CEBPA: variants seen among roughly 807,000 people sequenced by gnomAD.
CEBPA encodes the protein CCAAT/enhancer-binding protein alpha.
In CEBPA, 2 loss-of-function variants were observed where a neutral mutation model predicts 5.1. That is an observed-to-expected ratio of 0.39 (90% CI 0.16 to 1.23). CEBPA has a LOEUF of 1.23. Ranked by LOEUF, CEBPA falls within the 50% of genes most tolerant of loss-of-function variation. The probability of loss-of-function intolerance (pLI) is 0.34; values close to 1 mark genes in which losing one functional copy is unlikely to be tolerated. For synonymous variants in CEBPA, 275 were observed against 264.1 expected, an observed-to-expected ratio of 1.04 and a Z score of -0.40; for missense variants, 455 against 537.4, an observed-to-expected ratio of 0.85 and a Z score of 1.52.
At position 33,300,668 on chromosome 19, in the gene CEBPA, C is replaced by T. The variant is rs1233511288; in HGVS notation, c.*670G>A. 1 of 233,644 alleles carries T rather than the reference C, an allele frequency of 4.3e-6. No individual in the cohort carries two copies. The highest frequency in any genetic ancestry group is 6.0e-5 in the East Asian group (1 of 16,702). 14.5% of individuals were successfully genotyped at this position (233,644 alleles called of 1,614,324 possible). On this transcript the variant is annotated 3_prime_UTR_variant, in exon 1 of 1. Coordinates refer to ENST00000498907, the MANE Select transcript of CEBPA (RefSeq NM_004364.5). ...CCACTGGTCACCTGGTGACCCCCATCGCAGTGAGTTCCGCCCCAAGGGGAA... is the reference window on the plus strand; with the variant it reads ...CCACTGGTCACCTGGTGACCCCCATTGCAGTGAGTTCCGCCCCAAGGGGAA...
rs1383461383 is a variant in CEBPA at position 33,300,055 on chromosome 19, T to G, written c.*1283A>C. On this transcript the variant is annotated 3_prime_UTR_variant, in exon 1 of 1. Transcript: ENST00000498907. ...CCTGCTCCCAGCCCCAGTGATGCGT[T>G]GGCGGGAGGCCACCTCCCTTCCCGA... 1.3e-5 allele frequency: 3 copies of G among 233,304 alleles called. No individual in the cohort carries two copies. The highest frequency in any genetic ancestry group is 2.5e-5 in the Non-Finnish European group (3 of 118,062). 14.5% of individuals were successfully genotyped at this position (233,304 alleles called of 1,614,324 possible). A position where few individuals can be genotyped will look rare whatever the true frequency, so the allele number is the denominator to read the frequency against.
Position 33,301,194 on chromosome 19 carries a change from G to A in CEBPA, c.*144C>T, listed in dbSNP as rs1967148428. The A allele has an allele frequency of 7.4e-7, 1 of 1,344,470 alleles. No homozygotes were observed. Among genetic ancestry groups the A allele is most frequent in the Non-Finnish European group, 9.8e-7 (1 of 1,015,852 alleles). 83.3% of individuals were successfully genotyped at this position (1,344,470 alleles called of 1,614,324 possible). Reference sequence around the variant, plus strand: ...GCGCAGAGGAAGGGAGGGGACACGCGGAGCAGGCCAGGCTTTCAGGAGGCA... The same window carrying A: ...GCGCAGAGGAAGGGAGGGGACACGCAGAGCAGGCCAGGCTTTCAGGAGGCA... On this transcript the variant is annotated 3_prime_UTR_variant, in exon 1 of 1. Transcript: ENST00000498907. The surrounding 1 kb of genome is among the most constrained non-coding windows in gnomAD (Gnocchi z 6.0).
rs1339122781 is a variant in CEBPA, at chr19:33,300,714, G to C, written c.*624C>G. The stretch of plus-strand genomic sequence containing the variant: ...GGGAAGCCCAGCCTATAGCAGGCTG[G>C]GGTGGGGTGTGTGCGGAGGGAGGTG... On this transcript the variant is annotated 3_prime_UTR_variant, in exon 1 of 1. Transcript: ENST00000498907. 4.3e-6 allele frequency: 1 copy of C among 233,936 alleles called. No individual in the cohort carries two copies. Among genetic ancestry groups the C allele is most frequent in the East Asian group, 6.0e-5 (1 of 16,730 alleles). The allele number at this position is 233,936 out of a possible 1,614,324, so 14.5% of individuals were successfully genotyped here.
Position 33,300,541 on chromosome 19 carries a change from G to T in CEBPA, c.*797C>A, listed in dbSNP as rs1158604657. The T allele has an allele frequency of 3.9e-5, 9 of 233,646 alleles. No homozygotes were observed. The highest frequency in any genetic ancestry group is 5.9e-5 in the Non-Finnish European group (7 of 118,104). The allele number at this position is 233,646 out of a possible 1,614,324, so 14.5% of individuals were successfully genotyped here. A position where few individuals can be genotyped will look rare whatever the true frequency, so the allele number is the denominator to read the frequency against. ...CAGTGGCCCTTCACCCCCCATGCCC[G>T]CCCCACAGCCAGATCTCTAGGTCTC... is the stretch of plus-strand genomic sequence containing the variant. On this transcript the variant is annotated 3_prime_UTR_variant, in exon 1 of 1. Coordinates refer to ENST00000498907, the MANE Select transcript of CEBPA (RefSeq NM_004364.5).
In CEBPA at chr19:33,300,036, C is replaced by T. The variant is rs1399075819; in HGVS notation, c.*1302G>A. On this transcript the variant is annotated 3_prime_UTR_variant, in exon 1 of 1. Transcript: ENST00000498907. Reference sequence around the variant, plus strand: ...GAGAACCAAGCCGTCCTTCCCTGCTCCCAGCCCCAGTGATGCGTTGGCGGG... The same window carrying T: ...GAGAACCAAGCCGTCCTTCCCTGCTTCCAGCCCCAGTGATGCGTTGGCGGG... 3.9e-5 allele frequency: 9 copies of T among 233,326 alleles called. No homozygotes were observed. The highest frequency in any genetic ancestry group is 5.9e-5 in the Non-Finnish European group (7 of 118,074). 14.5% of individuals were successfully genotyped at this position (233,326 alleles called of 1,614,324 possible).
In CEBPA at chr19:33,301,864, G is replaced by C. The variant is rs1457318927; in HGVS notation, c.551C>G (p.Pro184Arg). ...ALAGLFPYQPPPPPPPSHPHP... is the reference protein window; with the variant it reads ...ALAGLFPYQPRPPPPPSHPHP... ...CGGGTGCGAGGGCGGCGGCGGCGGC[G>C]GCGGCTGGTAAGGGAAGAGGCCGGC... Residue 184 changes from proline (P) to arginine (R), a missense_variant, in exon 1 of 1, where the codon CCG becomes CGG. By Grantham distance (103) the Pro-to-Arg change is moderately radical. This residue lies in a region of CEBPA where 141 missense variants were observed against 124.1 expected (regional missense o/e 1.14). Transcript: ENST00000498907. This position sits in a 1 kb window ranked among gnomAD's most constrained non-coding sequence, Gnocchi z 6.0. 43 of 1,323,908 alleles carry C rather than the reference G, an allele frequency of 3.2e-5. No homozygotes were observed. Among genetic ancestry groups the C allele is most frequent in the Non-Finnish European group, 4.0e-5 (41 of 1,032,770 alleles). 82.0% of individuals were successfully genotyped at this position (1,323,908 alleles called of 1,614,324 possible).
chr19:33,301,798 A>G lies in CEBPA; in HGVS notation c.617T>C (p.Leu206Pro). The change falls in exon 1 of 1, where the codon CTG becomes CCG. Residue 206 changes from leucine (L) to proline (P), a missense_variant. This residue lies in a region of CEBPA where 141 missense variants were observed against 124.1 expected (regional missense o/e 1.14). Coordinates refer to ENST00000498907, the MANE Select transcript of CEBPA (RefSeq NM_004364.5). The surrounding 1 kb of genome is among the most constrained non-coding windows in gnomAD (Gnocchi z 6.0). The part of the protein sequence containing the change: ...PPPAHLAAPH[L>P]QFQIAHCGQT... ...GCCGCAGTGCGCGATCTGGAACTGCAGGTGCGGGGCGGCCAGGTGCGCGGG... is the reference window on the plus strand; with the variant it reads ...GCCGCAGTGCGCGATCTGGAACTGCGGGTGCGGGGCGGCCAGGTGCGCGGG... 8.1e-7 allele frequency: 1 copy of G among 1,230,298 alleles called. No individual in the cohort carries two copies. Among genetic ancestry groups the G allele is most frequent in the Non-Finnish European group, 1.0e-6 (1 of 985,784 alleles). 76.2% of individuals were successfully genotyped at this position (1,230,298 alleles called of 1,614,324 possible).
rs552634598 is a variant in CEBPA at position 33,301,803 on chromosome 19, C to G, written c.612G>C (p.Pro204=). The G allele has an allele frequency of 4.3e-4, 528 of 1,236,474 alleles. 2 individuals are homozygous for G. The African/African-American group carries it at 7.0e-3, about 16-fold the overall frequency. 76.6% of individuals were successfully genotyped at this position (1,236,474 alleles called of 1,614,324 possible). A position where few individuals can be genotyped will look rare whatever the true frequency, so the allele number is the denominator to read the frequency against. ...AGTGCGCGATCTGGAACTGCAGGTGCGGGGCGGCCAGGTGCGCGGGCGGCG... is the reference window on the plus strand; with the variant it reads ...AGTGCGCGATCTGGAACTGCAGGTGGGGGGCGGCCAGGTGCGCGGGCGGCG... ...PHPPPAHLAA[P]HLQFQIAHCG... is the part of the protein sequence containing the mutation. Residue 204 remains proline, a synonymous_variant, in exon 1 of 1, where the codon CCG becomes CCC. Transcript: ENST00000498907. The surrounding 1 kb of genome is among the most constrained non-coding windows in gnomAD (Gnocchi z 6.0).
chr19:33,301,229 C>A lies in CEBPA; in HGVS notation c.*109G>T, dbSNP rs1385151629. On this transcript the variant is annotated 3_prime_UTR_variant, in exon 1 of 1. Coordinates refer to ENST00000498907, the MANE Select transcript of CEBPA (RefSeq NM_004364.5). The surrounding 1 kb of genome is among the most constrained non-coding windows in gnomAD (Gnocchi z 6.0). ...AGGCTTTCAGGAGGCACCGGAATCT[C>A]CTAGTCCTGGCTCGCACGGCTCGGG... 1 of 1,461,128 alleles carries A rather than the reference C, an allele frequency of 6.8e-7. No individual in the cohort carries two copies. The highest frequency in any genetic ancestry group is 1.4e-5 in the South Asian group (1 of 71,876). The allele number at this position is 1,461,128 out of a possible 1,614,324, so 90.5% of individuals were successfully genotyped here. A position where few individuals can be genotyped will look rare whatever the true frequency, so the allele number is the denominator to read the frequency against.
At position 33,301,084 on chromosome 19, in the gene CEBPA, GCTCCCAGCTCAGCCCCAAGAATT is replaced by G; in HGVS notation, c.*231_*253del. On this transcript the variant is annotated 3_prime_UTR_variant, in exon 1 of 1. Transcript: ENST00000498907. The surrounding 1 kb of genome is among the most constrained non-coding windows in gnomAD (Gnocchi z 6.0). ...TTATCCTAAATACTAGAGTTGCCGGGCTCCCAGCTCAGCCCCAAGAATTCTCCCCTCCTCGCAGGGAGAAGCCA... is the reference window on the plus strand; with the variant it reads ...TTATCCTAAATACTAGAGTTGCCGGGCTCCCCTCCTCGCAGGGAGAAGCCA... 2 of 606,926 alleles carry G rather than the reference GCTCCCAGCTCAGCCCCAAGAATT, an allele frequency of 3.3e-6. No individual in the cohort carries two copies. Among genetic ancestry groups the G allele is most frequent in the South Asian group, 4.3e-5 (2 of 46,466 alleles). 37.6% of individuals were successfully genotyped at this position (606,926 alleles called of 1,614,324 possible).
At position 33,301,854 on chromosome 19, in the gene CEBPA, C is replaced by G. The variant is rs538441046; in HGVS notation, c.561G>C (p.Pro187=). ...GLFPYQPPPP[P]PPSHPHPHPP... The stretch of plus-strand genomic sequence containing the variant: ...GGTGCGGGTGCGGGTGCGAGGGCGG[C>G]GGCGGCGGCGGCGGCTGGTAAGGGA... The change falls in exon 1 of 1, where the codon CCG becomes CCC. Residue 187 remains proline, a synonymous_variant. Transcript: ENST00000498907. This position sits in a 1 kb window ranked among gnomAD's most constrained non-coding sequence, Gnocchi z 6.0. 443 of 1,277,910 alleles carry G rather than the reference C, an allele frequency of 3.5e-4. 1 individual carries two copies. Among genetic ancestry groups the G allele is most frequent in the South Asian group, 3.3e-3 (172 of 52,692 alleles). 79.2% of individuals were successfully genotyped at this position (1,277,910 alleles called of 1,614,324 possible). A position where few individuals can be genotyped will look rare whatever the true frequency, so the allele number is the denominator to read the frequency against.
rs896656951 is a variant in CEBPA at position 33,302,042 on chromosome 19, G to A, written c.373C>T (p.His125Tyr). ...PGGAVMPGGAHGPPPGYGCAA... is the reference protein window; with the variant it reads ...PGGAVMPGGAYGPPPGYGCAA... ...CAGCCGTAGCCGGGCGGGGGCCCGTGCGCTCCCCCGGGCATGACGGCGCCG... is the reference window on the plus strand; with the variant it reads ...CAGCCGTAGCCGGGCGGGGGCCCGTACGCTCCCCCGGGCATGACGGCGCCG... Residue 125 changes from histidine (H) to tyrosine (Y), a missense_variant, in exon 1 of 1, where the codon CAC becomes TAC. By Grantham distance (83) the His-to-Tyr change is moderately conservative (BLOSUM62 2). Coordinates refer to ENST00000498907, the MANE Select transcript of CEBPA (RefSeq NM_004364.5). 9 of 1,191,994 alleles carry A rather than the reference G, an allele frequency of 7.6e-6. No individual in the cohort carries two copies. The South Asian group carries it at 1.2e-4, about 16-fold the overall frequency. The allele number at this position is 1,191,994 out of a possible 1,614,324, so 73.8% of individuals were successfully genotyped here.
rs192240793 is a variant in CEBPA at position 33,301,842 on chromosome 19, G to A, written c.573C>T (p.His191=). ...GCGCGGGCGGCGGGTGCGGGTGCGG[G>A]TGCGAGGGCGGCGGCGGCGGCGGCG... ...YQPPPPPPPS[H]PHPHPPPAHL... The change falls in exon 1 of 1, where the codon CAC becomes CAT. Residue 191 remains histidine, a synonymous_variant. Transcript: ENST00000498907. This position sits in a 1 kb window ranked among gnomAD's most constrained non-coding sequence, Gnocchi z 6.0. The A allele has an allele frequency of 0.017, 22,842 of 1,311,920 alleles. 411 individuals are homozygous for A. Among genetic ancestry groups the A allele is most frequent in the Admixed American group, 0.1 (3,101 of 30,006 alleles). The allele number at this position is 1,311,920 out of a possible 1,614,324, so 81.3% of individuals were successfully genotyped here.
At position 33,301,425 on chromosome 19, in the gene CEBPA, C is replaced by G; in HGVS notation, c.990G>C (p.Gln330His). Residue 330 changes from glutamine to histidine, a missense_variant, in exon 1 of 1, where the codon CAG becomes CAC. Transcript: ENST00000498907. The surrounding 1 kb of genome is among the most constrained non-coding windows in gnomAD (Gnocchi z 6.0). ...DNDRLRKRVE[Q>H]LSRELDTLRG... ...GCAGCGTGTCCAGTTCGCGGCTCAG[C>G]TGTTCCACCCGCTTGCGCAGGCGGT... 1.2e-6 allele frequency: 2 copies of G among 1,612,294 alleles called. No individual in the cohort carries two copies. The highest frequency in any genetic ancestry group is 1.7e-6 in the Non-Finnish European group (2 of 1,179,780).
In CEBPA at chr19:33,301,494, G is replaced by A. The variant is rs2145258995; in HGVS notation, c.921C>T (p.Asn307=). 6.2e-7 allele frequency: 1 copy of A among 1,613,602 alleles called. No individual in the cohort carries two copies. The highest frequency in any genetic ancestry group is 2.2e-5 in the East Asian group (1 of 44,872). ...RKSRDKAKQR[N]VETQQKVLEL... is the part of the protein sequence containing the mutation. The stretch of plus-strand genomic sequence containing the variant: ...CCAGCACCTTCTGCTGCGTCTCCAC[G>A]TTGCGCTGCTTGGCCTTGTCGCGGC... Residue 307 remains asparagine (N), a synonymous_variant, in exon 1 of 1, where the codon AAC becomes AAT. Transcript: ENST00000498907. The surrounding 1 kb of genome is among the most constrained non-coding windows in gnomAD (Gnocchi z 6.0).
rs1206987676 is a variant in CEBPA at position 33,301,900 on chromosome 19, T to A, written c.515A>T (p.Gln172Leu). 7.8e-7 allele frequency: 1 copy of A among 1,284,256 alleles called. No individual in the cohort carries two copies. Among genetic ancestry groups the A allele is most frequent in the Non-Finnish European group, 9.9e-7 (1 of 1,009,712 alleles). The allele number at this position is 1,284,256 out of a possible 1,614,324, so 79.6% of individuals were successfully genotyped here. The change falls in exon 1 of 1, where the codon CAG becomes CTG. Residue 172 changes from glutamine (Q) to leucine (L), a missense_variant. Physicochemically the swap from Gln to Leu is moderately radical, Grantham distance 113. Around this residue, in one of 5 missense-constraint regions of CEBPA, gnomAD observed 141 missense variants for 124.1 expected, o/e 1.14. Coordinates refer to ENST00000498907, the MANE Select transcript of CEBPA (RefSeq NM_004364.5). This position sits in a 1 kb window ranked among gnomAD's most constrained non-coding sequence, Gnocchi z 6.0. ...AGGGAAGAGGCCGGCCAGCGCCAGC[T>A]GCTTGGCTTCATCCTCCTCGCGGGG... is the stretch of plus-strand genomic sequence containing the variant. ...QEPREEDEAK[Q>L]LALAGLFPYQ...
rs4142943 is a variant in CEBPA, at chr19:33,301,036, G to A, written c.*302C>T. 7,579 of 502,302 alleles carry A rather than the reference G, an allele frequency of 0.015. 520 individuals carry two copies. In the East Asian group the frequency reaches 0.16, roughly 11 times the overall value. 31.1% of individuals were successfully genotyped at this position (502,302 alleles called of 1,614,324 possible). On this transcript the variant is annotated 3_prime_UTR_variant, in exon 1 of 1. Coordinates refer to ENST00000498907, the MANE Select transcript of CEBPA (RefSeq NM_004364.5). The surrounding 1 kb of genome is among the most constrained non-coding windows in gnomAD (Gnocchi z 6.0). ...TACTCAGTAGGCATTGGAGCGGTGA[G>A]TTTGCATTTCCAAGGCACAAGGTTA...
At position 33,301,779 on chromosome 19, in the gene CEBPA, G is replaced by A. The variant is rs868442393; in HGVS notation, c.636C>T (p.His212=). 1.6e-6 allele frequency: 2 copies of A among 1,214,760 alleles called. No individual in the cohort carries two copies. The highest frequency in any genetic ancestry group is 3.3e-4 in the Middle Eastern group (1 of 3,046). 75.2% of individuals were successfully genotyped at this position (1,214,760 alleles called of 1,614,324 possible). Residue 212 remains histidine, a synonymous_variant, in exon 1 of 1, where the codon CAC becomes CAT. Transcript: ENST00000498907. The surrounding 1 kb of genome is among the most constrained non-coding windows in gnomAD (Gnocchi z 6.0). ...AAPHLQFQIA[H]CGQTTMHLQP... ...GCAGGTGCATGGTGGTCTGGCCGCA[G>A]TGCGCGATCTGGAACTGCAGGTGCG...
chr19:33,302,188 T>A lies in CEBPA; in HGVS notation c.227A>T (p.Glu76Val), dbSNP rs2145263620. ...GTGCTGGAACAGGTCGGCCAGGAACTCGTCGTTGAAGGCGGCCGGGTCGAT... is the reference window on the plus strand; with the variant it reads ...GTGCTGGAACAGGTCGGCCAGGAACACGTCGTTGAAGGCGGCCGGGTCGAT... ...AYIDPAAFND[E>V]FLADLFQHSR... Residue 76 changes from glutamate (E) to valine (V), a missense_variant, in exon 1 of 1, where the codon GAG (glutamate) becomes GTG (valine). Physicochemically the swap from Glu to Val is moderately radical, Grantham distance 121. Transcript: ENST00000498907. The A allele has an allele frequency of 2.0e-6, 3 of 1,492,846 alleles. No individual in the cohort carries two copies. The highest frequency in any genetic ancestry group is 2.7e-6 in the Non-Finnish European group (3 of 1,118,246). 92.5% of individuals were successfully genotyped at this position (1,492,846 alleles called of 1,614,324 possible).
Sources: allele counts gnomAD v4.1 joint callset, GRCh38; gene constraint gnomAD v4.1.1; regional missense constraint gnomAD v4.1.1; non-coding constraint Gnocchi (gnomAD v3.1); transcripts MANE v1.5; gene names NCBI Gene and HGNC (gene_info 2026-07-23, HGNC 2026-07-21).